Variants in RASGRF2 observed in about 807,000 individuals in gnomAD.
RASGRF2 encodes Ras protein specific guanine nucleotide releasing factor 2.
In RASGRF2, 76 loss-of-function variants were observed where a neutral mutation model predicts 151.0. That is an observed-to-expected ratio of 0.50 (90% CI 0.42 to 0.61). The LOEUF (loss-of-function observed/expected upper bound fraction) is 0.61, where lower values mean the gene tolerates loss of function less well. RASGRF2 is among the 20% of genes least tolerant of loss of function. The probability of loss-of-function intolerance (pLI) is 0.00; values close to 1 mark genes in which losing one functional copy is unlikely to be tolerated. For missense variants in RASGRF2, 1,148 were observed against 1,564.6 expected, an observed-to-expected ratio of 0.73 and a Z score of 4.49; for synonymous variants, 504 against 566.5, an observed-to-expected ratio of 0.89 and a Z score of 1.57.
At chr5:81,059,500 C>T (rs926149223) in intron 2 of RASGRF2, among the ~76,000 whole-genome samples, 10 of 151,814 alleles carry the variant, frequency 6.6e-5, no homozygotes, top group South Asian at 4.2e-4. Context: ...AATCCTGTTC[C>T]CTCTTCTACC....
chr5:81,132,607 T>A (rs1753651915), intron 17 of RASGRF2, among the ~76,000 whole-genome samples: 1 of 152,212 alleles, frequency 6.6e-6, no homozygotes, highest in South Asian at 2.1e-4. Context: ...TGGAAAGTCC[T>A]TGAGATATGC....
intron 17 of RASGRF2, among the ~76,000 whole-genome samples, chr5:81,146,280 G>A (rs1464760685): frequency 1.3e-5 from 2 of 152,116 alleles, no homozygotes; most frequent in African/African-American, 4.8e-5. Context: ...AAACTGAGAG[G>A]AGCCTCCCCT....
rs753560908 is a variant in RASGRF2, at chr5:81,219,763, A to T, written c.3606A>T (p.Ile1202=). 2 of 1,606,308 alleles carry T rather than the reference A, an allele frequency of 1.2e-6. No individual in the cohort carries two copies. The highest frequency in any genetic ancestry group is 3.3e-5 in the Admixed American group (2 of 59,982). The change falls in exon 26 of 27, where the codon ATA becomes ATT. Residue 1202 remains isoleucine (I), a synonymous_variant. Coordinates refer to ENST00000265080, the MANE Select transcript of RASGRF2 (RefSeq NM_006909.3). Reference sequence around the variant, plus strand: ...AGTTCCAGCAGACTTCCTACAGAATAGATCATCAGCCAAAGGTAATATTAT... The same window carrying T: ...AGTTCCAGCAGACTTCCTACAGAATTGATCATCAGCCAAAGGTAATATTAT... ...IRQFQQTSYR[I]DHQPKVAQYL... is the part of the protein sequence containing the mutation.
At chr5:81,157,967 AAAGT>A (rs1233068833) in intron 17 of RASGRF2, among the ~76,000 whole-genome samples, 4 of 152,214 alleles carry the variant, frequency 2.6e-5, no homozygotes, top group Non-Finnish European at 5.9e-5. Flanking sequence ...CCTTAAAGAA[AAAGT>A]ACAGCTTTAA....
At chr5:81,093,608 T>C (rs906556887) in intron 10 of RASGRF2, among the ~76,000 whole-genome samples, 1 of 152,172 alleles carries the variant, frequency 6.6e-6, no homozygotes, top group African/African-American at 2.4e-5. Context: ...AGAGACAATG[T>C]CTTGCTATGT....
intron 17 of RASGRF2, among the ~76,000 whole-genome samples, chr5:81,159,038 C>T (rs1347733754): frequency 6.6e-6 from 1 of 152,056 alleles, no homozygotes; most frequent in East Asian, 1.9e-4. Context: ...TAGAAACAAT[C>T]CAAATGTCCA....
intron 1 of RASGRF2, among the ~76,000 whole-genome samples, chr5:81,016,283 A>G (rs189818535): frequency 6.6e-6 from 1 of 152,356 alleles, no homozygotes; most frequent in African/African-American, 2.4e-5. Flanking sequence ...TTAAGCCCCC[A>G]TGCAGCAAGC....
intron 1 of RASGRF2, among the ~76,000 whole-genome samples, chr5:81,001,193 G>A (rs912263285): frequency 2.0e-5 from 3 of 152,190 alleles, no homozygotes; most frequent in Non-Finnish European, 4.4e-5. Flanking sequence ...CCAGACAATA[G>A]CCTTCCAGCA....
chr5:81,092,686 C>T lies in RASGRF2; in HGVS notation c.1391-115C>T, dbSNP rs1752424438. On this transcript the variant is annotated intron_variant, in intron 9 of 26. Transcript: ENST00000265080. ...AGTTACTTGTTCTGATGATGTGTCA[C>T]ATAAATCAATCCCTGGTATTTTGGG... The T allele has an allele frequency of 3.2e-6, 3 of 951,958 alleles. No individual in the cohort carries two copies. In the South Asian group the frequency reaches 4.9e-5, roughly 15 times the overall value. The allele number at this position is 951,958 out of a possible 1,614,324, so 59.0% of individuals were successfully genotyped here.
intron 23 of RASGRF2, among the ~76,000 whole-genome samples, chr5:81,213,868 CAAAAA>C (rs1001999986): frequency 6.6e-6 from 1 of 151,996 alleles, no homozygotes; most frequent in African/African-American, 2.4e-5. Context: ...AACAAAAAAA[CAAAAA>C]AACAAACTTT....
intron 2 of RASGRF2, among the ~76,000 whole-genome samples, chr5:81,063,138 TA>T: frequency 6.6e-6 from 1 of 152,202 alleles, no homozygotes; most frequent in East Asian, 1.9e-4. Flanking sequence ...AGAATTCTGA[TA>T]TTTTACCAAG....
intron 19 of RASGRF2, among the ~76,000 whole-genome samples, chr5:81,201,707 G>A (rs1755399620): frequency 6.6e-6 from 1 of 152,180 alleles, no homozygotes; most frequent in African/African-American, 2.4e-5. Flanking sequence ...AGAACCAACA[G>A]TTAAAGAAAG....
intron 17 of RASGRF2, among the ~76,000 whole-genome samples, chr5:81,178,922 T>C (rs1241445825): frequency 6.6e-6 from 1 of 152,118 alleles, no homozygotes. Context: ...GTATTTTTAA[T>C]AGAGACGGGG....
At chr5:81,072,848 G>A (rs573176037) in intron 4 of RASGRF2, among the ~76,000 whole-genome samples, 35 of 152,176 alleles carry the variant, frequency 2.3e-4, no homozygotes, top group South Asian at 1.5e-3. Context: ...CAGCTCTGTC[G>A]GTTATTTTAT....
chr5:81,203,425 G>A (rs1205927220), intron 19 of RASGRF2, among the ~76,000 whole-genome samples: 1 of 152,192 alleles, frequency 6.6e-6, no homozygotes, highest in Non-Finnish European at 1.5e-5. Flanking sequence ...ACCAAGAGGT[G>A]ACCTCAGACG....
chr5:81,049,635 G>C (rs777028857), intron 2 of RASGRF2, among the ~76,000 whole-genome samples: 2 of 152,082 alleles, frequency 1.3e-5, no homozygotes, highest in African/African-American at 4.8e-5. Context: ...GACTTAGGTC[G>C]TGTAGATAGA....
chr5:81,194,550 C>T (rs2112700784), intron 18 of RASGRF2, among the ~76,000 whole-genome samples: 1 of 152,098 alleles, frequency 6.6e-6, no homozygotes, highest in Non-Finnish European at 1.5e-5. Flanking sequence ...CTCACAATAG[C>T]ATCTCTCCCT....
chr5:81,046,069 T>C (rs1007731223), intron 2 of RASGRF2, among the ~76,000 whole-genome samples: 1 of 152,208 alleles, frequency 6.6e-6, no homozygotes, highest in Non-Finnish European at 1.5e-5. Flanking sequence ...TATGGTTTTA[T>C]TGATCCTTTT....
intron 2 of RASGRF2, among the ~76,000 whole-genome samples, chr5:81,052,717 G>A (rs969125199): frequency 6.6e-6 from 1 of 152,112 alleles, no homozygotes; most frequent in Non-Finnish European, 1.5e-5. Flanking sequence ...AATGCTGAAG[G>A]GGTGTGAGTA....
Sources: allele counts gnomAD v4.1 joint callset (sites outside exome capture counted in the v4.1 genomes callset), GRCh38; gene constraint gnomAD v4.1.1; transcripts MANE v1.5; gene names NCBI Gene and HGNC (gene_info 2026-07-23, HGNC 2026-07-21).